Variants in TMEM45B observed in about 807,000 individuals in gnomAD.
TMEM45B encodes the protein transmembrane protein 45B.
In TMEM45B, 29 loss-of-function variants were observed where a neutral mutation model predicts 27.3. That is an observed-to-expected ratio of 1.06 (90% CI 0.79 to 1.45). TMEM45B has a LOEUF of 1.45. Among genes scored for constraint, TMEM45B ranks in the 40% most tolerant of loss-of-function variants. The probability of loss-of-function intolerance (pLI) is 0.00; values close to 1 mark genes in which losing one functional copy is unlikely to be tolerated. For missense variants in TMEM45B, 348 were observed against 343.9 expected, an observed-to-expected ratio of 1.01 and a Z score of -0.09; for synonymous variants, 143 against 134.7, an observed-to-expected ratio of 1.06 and a Z score of -0.43.
intron 1 of TMEM45B, among the ~76,000 whole-genome samples, chr11:129,845,512 G>A (rs1469751292): frequency 1.3e-5 from 2 of 151,718 alleles, no homozygotes; most frequent in Non-Finnish European, 2.9e-5. Flanking sequence ...CATGCAGTAG[G>A]AAAAAAATAT....
At chr11:129,854,322 C>T (rs1166067284) in intron 2 of TMEM45B, among the ~76,000 whole-genome samples, 1 of 152,184 alleles carries the variant, frequency 6.6e-6, no homozygotes, top group Non-Finnish European at 1.5e-5. Context: ...CCTGGACAAA[C>T]CTCCTGGGGA....
chr11:129,817,254 A>G (rs185898230), intron 1 of TMEM45B, among the ~76,000 whole-genome samples: 16 of 152,278 alleles, frequency 1.1e-4, no homozygotes, highest in African/African-American at 3.8e-4. Context: ...CAGATGTGTA[A>G]TATCTTCAGT....
At chr11:129,849,334 TAAC>T (rs1947812195) in intron 1 of TMEM45B, among the ~76,000 whole-genome samples, 2 of 151,866 alleles carry the variant, frequency 1.3e-5, no homozygotes, top group Admixed American at 1.3e-4. Flanking sequence ...AAGAAAGGAG[TAAC>T]AACAGGTCTC....
intron 1 of TMEM45B, among the ~76,000 whole-genome samples, chr11:129,819,193 T>C (rs1373281629): frequency 6.6e-6 from 1 of 152,230 alleles, no homozygotes; most frequent in Non-Finnish European, 1.5e-5. Context: ...CCTAGCACAG[T>C]GCCCATAGCA....
chr11:129,839,931 G>C (rs191013557), intron 1 of TMEM45B, among the ~76,000 whole-genome samples: 14 of 152,270 alleles, frequency 9.2e-5, no homozygotes, highest in African/African-American at 3.4e-4. Context: ...TGTATATTAG[G>C]AAACACATTC....
intron 2 of TMEM45B, among the ~76,000 whole-genome samples, chr11:129,854,050 G>C (rs530828818): frequency 1.3e-5 from 2 of 152,312 alleles, no homozygotes; most frequent in African/African-American, 4.8e-5. Flanking sequence ...AGCTGGGAGG[G>C]GCGCAGGGCT....
At chr11:129,830,850 T>C (rs1338432349) in intron 1 of TMEM45B, among the ~76,000 whole-genome samples, 1 of 152,172 alleles carries the variant, frequency 6.6e-6, no homozygotes, top group African/African-American at 2.4e-5. Flanking sequence ...GCTGGTGGGA[T>C]TGTGAAAGGG....
At position 129,826,567 on chromosome 11, in the gene TMEM45B, A is replaced by AAAAAAGAAAAAT. The variant is rs1199881268; in HGVS notation, c.-9+10670_-9+10671insAAAAGAAAAATA. 2.9e-3 allele frequency among the ~76,000 whole-genome samples: 280 copies of AAAAAAGAAAAAT among 96,034 alleles called. 17 individuals are homozygous for AAAAAAGAAAAAT. The highest frequency in any genetic ancestry group is 4.8e-3 in the African/African-American group (125 of 26,270). 63.0% of individuals were successfully genotyped at this position (96,034 alleles called of 152,430 possible). A position where few individuals can be genotyped will look rare whatever the true frequency, so the allele number is the denominator to read the frequency against. ...CTGTCACAAAAAAAAAAAAAAAAAAAAGGACCCTGAGAGGCTATGTGTCTT... is the reference window on the plus strand; with the variant it reads ...CTGTCACAAAAAAAAAAAAAAAAAAAAAAAAGAAAAATAGGACCCTGAGAGGCTATGTGTCTT... On this transcript the variant is annotated intron_variant, in intron 1 of 5. Transcript: ENST00000281441.
chr11:129,854,648 C>G lies in TMEM45B; in HGVS notation c.217C>G (p.Leu73Val). 6.2e-7 allele frequency: 1 copy of G among 1,614,232 alleles called. No individual in the cohort carries two copies. Among genetic ancestry groups the G allele is most frequent in the Non-Finnish European group, 8.5e-7 (1 of 1,180,042 alleles). ...GCAGTTTGTTCCGGATGGGCCCCAC[C>G]TGCACCTCTACCATGAGAACCACTG... ...AEQFVPDGPH[L>V]HLYHENHWIK... The change falls in exon 3 of 6, where the codon CTG becomes GTG. Residue 73 changes from leucine to valine, a missense_variant. Physicochemically the swap from Leu to Val is conservative, Grantham distance 32. Coordinates refer to ENST00000281441, the MANE Select transcript of TMEM45B (RefSeq NM_138788.5).
intron 1 of TMEM45B, among the ~76,000 whole-genome samples, chr11:129,832,001 G>C (rs923252744): frequency 1.8e-4 from 26 of 142,666 alleles, no homozygotes; most frequent in African/African-American, 5.9e-4. Context: ...GGGAGGTAGA[G>C]GTTGCAGTGA....
At chr11:129,821,546 T>C (rs578105248) in intron 1 of TMEM45B, among the ~76,000 whole-genome samples, 1 of 152,312 alleles carries the variant, frequency 6.6e-6, no homozygotes, top group East Asian at 1.9e-4. Flanking sequence ...CAAAAGTGTA[T>C]AAGATTCAGG....
intron 1 of TMEM45B, among the ~76,000 whole-genome samples, chr11:129,816,105 C>G (rs1591429481): frequency 6.6e-6 from 1 of 152,140 alleles, no homozygotes. Context: ...GCCCTGGTGT[C>G]GCGGAAGCCC....
rs944845089 is a variant in TMEM45B, at chr11:129,848,356, T to C, written c.-8-4119T>C. On this transcript the variant is annotated intron_variant, in intron 1 of 5. Coordinates refer to ENST00000281441, the MANE Select transcript of TMEM45B (RefSeq NM_138788.5). ...CGAAACCCCGTCTCCACCAAAAAAA[T>C]ACGAAAACCCGTCAGGCGTGGCGGC... 2.6e-5 allele frequency among the ~76,000 whole-genome samples: 4 copies of C among 152,110 alleles called. 1 individual carries two copies. Among genetic ancestry groups the C allele is most frequent in the Admixed American group, 2.6e-4 (4 of 15,294 alleles).
chr11:129,858,838 A>G lies in TMEM45B; in HGVS notation c.*153A>G. 1 of 541,154 alleles carries G rather than the reference A, an allele frequency of 1.8e-6. No homozygotes were observed. Among genetic ancestry groups the G allele is most frequent in the African/African-American group, 1.9e-5 (1 of 52,248 alleles). 33.5% of individuals were successfully genotyped at this position (541,154 alleles called of 1,614,324 possible). On this transcript the variant is annotated 3_prime_UTR_variant, in exon 6 of 6. Transcript: ENST00000281441. The stretch of plus-strand genomic sequence containing the variant: ...AGGGCTGGAGGTTCTACAACAGGAA[A>G]TCAGGCCTACAGCATCCTGTGTATC...
intron 2 of TMEM45B, among the ~76,000 whole-genome samples, chr11:129,853,139 A>G (rs1947872428): frequency 6.6e-6 from 1 of 152,178 alleles, no homozygotes; most frequent in Non-Finnish European, 1.5e-5. Context: ...AGATTCGTAA[A>G]TTAGCCAGTG....
chr11:129,855,032 G>C (rs1170458351), intron 3 of TMEM45B, among the ~76,000 whole-genome samples: 4 of 152,196 alleles, frequency 2.6e-5, no homozygotes, highest in African/African-American at 9.7e-5. Flanking sequence ...TTTGAGGCTT[G>C]AAGGCAGCTA....
rs1048893617 is a variant in TMEM45B, at chr11:129,859,137, G to A, written c.*452G>A. Reference sequence around the variant, plus strand: ...AATATGTTAGAATGTGTAAGCAAACGACAGTGCCTTTAGAATTACAATTCT... The same window carrying A: ...AATATGTTAGAATGTGTAAGCAAACAACAGTGCCTTTAGAATTACAATTCT... On this transcript the variant is annotated 3_prime_UTR_variant, in exon 6 of 6. Transcript: ENST00000281441. 1 of 152,294 alleles carries A rather than the reference G, an allele frequency of 6.6e-6. No individual in the cohort carries two copies. The highest frequency in any genetic ancestry group is 2.4e-5 in the African/African-American group (1 of 41,428). 9.4% of individuals were successfully genotyped at this position (152,294 alleles called of 1,614,324 possible).
intron 1 of TMEM45B, among the ~76,000 whole-genome samples, chr11:129,836,107 A>G (rs1321896503): frequency 6.6e-6 from 1 of 152,056 alleles, no homozygotes; most frequent in Non-Finnish European, 1.5e-5. Context: ...GACAAGGGTG[A>G]AACTCCATTT....
chr11:129,852,548 A>G lies in TMEM45B; in HGVS notation c.66A>G (p.Ser22=). 2 of 1,613,816 alleles carry G rather than the reference A, an allele frequency of 1.2e-6. No individual in the cohort carries two copies. Among genetic ancestry groups the G allele is most frequent in the Non-Finnish European group, 8.5e-7 (1 of 1,179,776 alleles). Residue 22 remains serine (S), a synonymous_variant, in exon 2 of 6, where the codon TCA becomes TCG. Coordinates refer to ENST00000281441, the MANE Select transcript of TMEM45B (RefSeq NM_138788.5). ...SFFLIIGLCW[S]VKYPLKYFSH... ...TCCTGATCATTGGGCTGTGTTGGTCAGTGAAGTACCCGCTGAAGTACTTTA... is the reference window on the plus strand; with the variant it reads ...TCCTGATCATTGGGCTGTGTTGGTCGGTGAAGTACCCGCTGAAGTACTTTA...
Sources: allele counts gnomAD v4.1 joint callset (sites outside exome capture counted in the v4.1 genomes callset), GRCh38; gene constraint gnomAD v4.1.1; transcripts MANE v1.5; gene names NCBI Gene and HGNC (gene_info 2026-07-23, HGNC 2026-07-21).